Variants in WDR89 observed in about 807,000 individuals in gnomAD.
WDR89 encodes the protein WD repeat-containing protein 89.
WDR89 carries 17 observed loss-of-function variants against 29.1 expected under a neutral mutation model. The ratio of observed to expected loss-of-function variants is 0.58; its 90% CI spans 0.40 to 0.88. WDR89 has a LOEUF of 0.88. WDR89 is among the 40% of genes least tolerant of loss of function. The pLI, the probability that WDR89 is intolerant of heterozygous loss-of-function variation, is 0.00. For synonymous variants in WDR89, 138 were observed against 157.8 expected (o/e 0.87, Z 0.94); for missense variants, 396 against 456.3 (o/e 0.87, Z 1.20).
intron 2 of WDR89, among the ~76,000 whole-genome samples, chr14:63,618,317 G>A (rs923639865): frequency 1.3e-5 from 2 of 152,004 alleles, no homozygotes; most frequent in Non-Finnish European, 2.9e-5. Context: ...ACCATGCCTG[G>A]CTAATTTTTG....
intron 1 of WDR89, among the ~76,000 whole-genome samples, chr14:63,634,715 C>G (rs940322852): frequency 6.6e-6 from 1 of 151,852 alleles, no homozygotes. Flanking sequence ...ACTAAAAATA[C>G]AAAATTAGCC....
Position 63,599,074 on chromosome 14 carries a change from T to G in WDR89, c.869A>C (p.His290Pro), listed in dbSNP as rs1244193578. ...GLYHEKTDTLHVIGGTNKGRI... is the reference protein window; with the variant it reads ...GLYHEKTDTLPVIGGTNKGRI... ...TCCTTTGTTTGTTCCTCCAATAACA[T>G]GCAATGTGTCTGTCTTTTCATGATA... The change falls in exon 3 of 3, where the codon CAT (histidine) becomes CCT (proline). Residue 290 changes from histidine (H) to proline (P), a missense_variant. Transcript: ENST00000620954. 1 of 1,614,192 alleles carries G rather than the reference T, an allele frequency of 6.2e-7. No homozygotes were observed. The highest frequency in any genetic ancestry group is 1.6e-4 in the Middle Eastern group (1 of 6,062).
Position 63,598,141 on chromosome 14 carries a change from G to A in WDR89, c.*638C>T, listed in dbSNP as rs527854628. 2.0e-5 allele frequency: 3 copies of A among 152,288 alleles called. No homozygotes were observed. Among genetic ancestry groups the A allele is most frequent in the African/African-American group, 7.2e-5 (3 of 41,562 alleles). The allele number at this position is 152,288 out of a possible 1,614,324, so 9.4% of individuals were successfully genotyped here. ...TTTTCATTTTTGTATTTCACTTTGA[G>A]TCTCAATTTACCAAGATAACTTCCT... is the stretch of plus-strand genomic sequence containing the variant. On this transcript the variant is annotated 3_prime_UTR_variant, in exon 3 of 3. Transcript: ENST00000620954.
At position 63,600,357 on chromosome 14, in the gene WDR89, A is replaced by G. The variant is rs942233375; in HGVS notation, c.-31-384T>C. ...TCTTCAAAAAATAAATTAGCAGGGC[A>G]TGGTGGCCTATGCCTGTAGTCCTAG... is the stretch of plus-strand genomic sequence containing the variant. On this transcript the variant is annotated intron_variant, in intron 2 of 2. Transcript: ENST00000620954. Among the ~76,000 whole-genome samples, 2 of 151,664 alleles carry G rather than the reference A, an allele frequency of 1.3e-5. 1 individual carries two copies. The highest frequency in any genetic ancestry group is 3.9e-4 in the East Asian group (2 of 5,160).
chr14:63,640,623 G>A (rs926948670), intron 1 of WDR89, among the ~76,000 whole-genome samples: 3 of 150,704 alleles, frequency 2.0e-5, no homozygotes, highest in Admixed American at 6.6e-5. Context: ...CGAGTAGCTG[G>A]GACTACAGGC....
At chr14:63,615,351 T>C (rs951578227) in intron 2 of WDR89, among the ~76,000 whole-genome samples, 9 of 152,234 alleles carry the variant, frequency 5.9e-5, no homozygotes, top group African/African-American at 1.9e-4. Flanking sequence ...TTGGAACAGT[T>C]AGAAGCAATT....
chr14:63,621,670 A>C (rs1313225617), intron 2 of WDR89: 1 of 152,240 alleles, frequency 6.6e-6, no homozygotes, highest in Non-Finnish European at 1.5e-5. Flanking sequence ...GATAATTTTA[A>C]ACACCAAAAG....
intron 2 of WDR89, among the ~76,000 whole-genome samples, chr14:63,613,677 T>C (rs552338644): frequency 4.7e-4 from 71 of 151,958 alleles, no homozygotes; most frequent in African/African-American, 1.5e-3. Flanking sequence ...AATTTTTGTA[T>C]TTTTAGTAGA....
At chr14:63,619,809 A>G (rs1316530168) in intron 2 of WDR89, among the ~76,000 whole-genome samples, 1 of 152,122 alleles carries the variant, frequency 6.6e-6, no homozygotes, top group Non-Finnish European at 1.5e-5. Flanking sequence ...GTTTGAGATC[A>G]GCCTGGCCAA....
intron 1 of WDR89, among the ~76,000 whole-genome samples, chr14:63,631,774 C>T (rs571680618): frequency 1.3e-5 from 2 of 152,178 alleles, no homozygotes; most frequent in East Asian, 3.9e-4. Context: ...CAGAAGGAAT[C>T]CAGGCTGATT....
At chr14:63,634,184 C>G (rs1486123384) in intron 1 of WDR89, among the ~76,000 whole-genome samples, 2 of 152,034 alleles carry the variant, frequency 1.3e-5, no homozygotes, top group East Asian at 1.9e-4. Flanking sequence ...TCCAGGAGTT[C>G]GAGACCAGCT....
chr14:63,599,694 G>A lies in WDR89; in HGVS notation c.249C>T (p.Asp83=). 1 of 1,614,184 alleles carries A rather than the reference G, an allele frequency of 6.2e-7. No individual in the cohort carries two copies. Among genetic ancestry groups the A allele is most frequent in the Non-Finnish European group, 8.5e-7 (1 of 1,180,032 alleles). The change falls in exon 3 of 3, where the codon GAC becomes GAT. Residue 83 remains aspartate, a synonymous_variant. Transcript: ENST00000620954. ...LNGVRFANSC[D]SVYSACTDGT... ...CATCAGTACATGCTGAATATACACT[G>A]TCACAGGAATTTGCAAATCTGACTC...
Position 63,598,902 on chromosome 14 carries a change from A to G in WDR89, c.1041T>C (p.Leu347=). 1.2e-6 allele frequency: 2 copies of G among 1,614,154 alleles called. No homozygotes were observed. Among genetic ancestry groups the G allele is most frequent in the Non-Finnish European group, 1.7e-6 (2 of 1,180,024 alleles). Residue 347 remains leucine (L), a synonymous_variant, in exon 3 of 3, where the codon CTT becomes CTC. Coordinates refer to ENST00000620954, the MANE Select transcript of WDR89 (RefSeq NM_080666.4). The stretch of plus-strand genomic sequence containing the variant: ...TCTTCTCTATAGCTCCAGGTTTCCA[A>G]AGTAACAACTGTGCATCTTCTCCTC... ...LTGGEDAQLL[L]WKPGAIEKTF... is the part of the protein sequence containing the mutation.
At chr14:63,613,821 C>CT (rs751893850) in intron 2 of WDR89, among the ~76,000 whole-genome samples, 5,153 of 120,994 alleles carry the variant, frequency 0.043, 134 homozygotes, top group African/African-American at 0.07. Context: ...TTTTAAACAT[C>CT]TTTTTTTTTT....
chr14:63,610,535 G>C (rs914098804), intron 2 of WDR89, among the ~76,000 whole-genome samples: 3 of 152,016 alleles, frequency 2.0e-5, no homozygotes, highest in African/African-American at 7.2e-5. Context: ...GTGACCAACT[G>C]ATCAAGGGTA....
intron 1 of WDR89, among the ~76,000 whole-genome samples, chr14:63,633,635 T>A (rs1215514942): frequency 6.6e-6 from 1 of 152,202 alleles, no homozygotes; most frequent in African/African-American, 2.4e-5. Flanking sequence ...ATAGCTTGTA[T>A]AATATTCATG....
At chr14:63,617,787 G>A (rs555497964) in intron 2 of WDR89, among the ~76,000 whole-genome samples, 14 of 152,066 alleles carry the variant, frequency 9.2e-5, no homozygotes, top group Non-Finnish European at 2.1e-4. Context: ...GCCTGGCCTA[G>A]AATTCTACAT....
At chr14:63,638,658 C>T (rs1883901418) in intron 1 of WDR89, among the ~76,000 whole-genome samples, 1 of 152,184 alleles carries the variant, frequency 6.6e-6, no homozygotes, top group African/African-American at 2.4e-5. Context: ...TTTACCTTTG[C>T]TATTAAAGAT....
intron 2 of WDR89, among the ~76,000 whole-genome samples, chr14:63,612,644 C>T (rs1882063582): frequency 6.6e-6 from 1 of 151,958 alleles, no homozygotes; most frequent in Non-Finnish European, 1.5e-5. Context: ...CAAAGTGCCC[C>T]AAAGTGTTGT....
Sources: allele counts gnomAD v4.1 joint callset (sites outside exome capture counted in the v4.1 genomes callset), GRCh38; gene constraint gnomAD v4.1.1; transcripts MANE v1.5; gene names NCBI Gene and HGNC (gene_info 2026-07-23, HGNC 2026-07-21).